MECOM: variants seen among roughly 807,000 people sequenced by gnomAD.
MECOM encodes the protein histone-lysine N-methyltransferase MECOM.
In MECOM, 13 loss-of-function variants were observed where a neutral mutation model predicts 116.3. The ratio of observed to expected loss-of-function variants is 0.11; its 90% CI spans 0.07 to 0.18. The LOEUF (loss-of-function observed/expected upper bound fraction) is 0.18. Ranked by LOEUF, MECOM falls within the 10% of genes least tolerant of loss-of-function variation. The pLI, the probability that MECOM is intolerant of heterozygous loss-of-function variation, is 1.00. For missense variants in MECOM, 1,299 were observed against 1,509.0 expected, an observed-to-expected ratio of 0.86 and a Z score of 2.31; for synonymous variants, 528 against 535.2, an observed-to-expected ratio of 0.99 and a Z score of 0.19.
At chr3:169,512,699 A>G (rs912473282) in intron 1 of MECOM, among the ~76,000 whole-genome samples, 1 of 152,192 alleles carries the variant, frequency 6.6e-6, no homozygotes. Flanking sequence ...GAATGAATAA[A>G]CTTGGTGAAA....
chr3:169,261,023 CT>C (rs1052091904), intron 2 of MECOM, among the ~76,000 whole-genome samples: 11 of 151,984 alleles, frequency 7.2e-5, no homozygotes, highest in Non-Finnish European at 1.5e-4. Context: ...TAATAGAGCA[CT>C]TTTTTTTCTA....
At chr3:169,459,035 T>G (rs891455909) in intron 1 of MECOM, among the ~76,000 whole-genome samples, 8 of 152,052 alleles carry the variant, frequency 5.3e-5, no homozygotes, top group Non-Finnish European at 1.0e-4. Flanking sequence ...GGAGTACATA[T>G]CCAAAATGGC....
At chr3:169,411,892 G>A (rs955840387) in intron 1 of MECOM, among the ~76,000 whole-genome samples, 3 of 152,170 alleles carry the variant, frequency 2.0e-5, no homozygotes, top group African/African-American at 4.8e-5. Flanking sequence ...TCAGGAGGCC[G>A]AGGCAGGAGA....
intron 1 of MECOM, among the ~76,000 whole-genome samples, chr3:169,419,209 G>A (rs1739277425): frequency 6.6e-6 from 1 of 152,066 alleles, no homozygotes; most frequent in Admixed American, 6.6e-5. Flanking sequence ...ACCTCTTCAA[G>A]GACAACTACA....
chr3:169,459,338 C>T, intron 1 of MECOM, among the ~76,000 whole-genome samples: 1 of 152,098 alleles, frequency 6.6e-6, no homozygotes, highest in East Asian at 1.9e-4. Flanking sequence ...TATTATTTAC[C>T]CACTCCATAC....
At chr3:169,160,732 C>T (rs139540532) in intron 2 of MECOM, among the ~76,000 whole-genome samples, 2,258 of 151,978 alleles carry the variant, frequency 0.015, 47 homozygotes, top group African/African-American at 0.051. Context: ...TTGATACCCT[C>T]ATTTAACCTG....
chr3:169,169,480 A>G (rs1484020494), intron 2 of MECOM, among the ~76,000 whole-genome samples: 3 of 152,148 alleles, frequency 2.0e-5, no homozygotes, highest in African/African-American at 7.2e-5. Flanking sequence ...GACATTCCAG[A>G]ATCCAGGTGG....
intron 2 of MECOM, among the ~76,000 whole-genome samples, chr3:169,253,427 C>G (rs1416641825): frequency 6.9e-6 from 1 of 145,556 alleles, no homozygotes; most frequent in African/African-American, 2.6e-5. Flanking sequence ...GACTTCTTTT[C>G]CTAAAAGTTG....
At chr3:169,087,037 C>A (rs1344351472) in intron 16 of MECOM, among the ~76,000 whole-genome samples, 4 of 152,208 alleles carry the variant, frequency 2.6e-5, no homozygotes, top group Admixed American at 2.0e-4. Flanking sequence ...TCAAACTAAT[C>A]TATATAACAT....
intron 2 of MECOM, among the ~76,000 whole-genome samples, chr3:169,191,748 A>AAG (rs1747681465): frequency 7.8e-6 from 1 of 127,754 alleles, no homozygotes; most frequent in Admixed American, 8.5e-5. Context: ...AAGAGAAAGA[A>AAG]AGAAAGAAAG....
intron 1 of MECOM, among the ~76,000 whole-genome samples, chr3:169,496,048 A>G (rs896806771): frequency 6.6e-6 from 1 of 152,202 alleles, no homozygotes. Context: ...GGACATGCAA[A>G]GCTTTTCTCT....
At chr3:169,344,023 A>G (rs1724971014) in intron 2 of MECOM, among the ~76,000 whole-genome samples, 1 of 152,212 alleles carries the variant, frequency 6.6e-6, no homozygotes, top group Non-Finnish European at 1.5e-5. Context: ...ATTGTTGGAA[A>G]TAATATAAAA....
At chr3:169,233,529 A>G (rs1160910227) in intron 2 of MECOM, among the ~76,000 whole-genome samples, 1 of 152,148 alleles carries the variant, frequency 6.6e-6, no homozygotes, top group East Asian at 1.9e-4. Context: ...TTCTCATATA[A>G]ATTCAACTCC....
chr3:169,476,410 AC>A (rs1195622971), intron 1 of MECOM, among the ~76,000 whole-genome samples: 1 of 152,190 alleles, frequency 6.6e-6, no homozygotes, highest in East Asian at 1.9e-4. Flanking sequence ...TTAGCCCATT[AC>A]ATTTTATTTG....
chr3:169,152,329 T>G (rs1004866659), intron 2 of MECOM, among the ~76,000 whole-genome samples: 11 of 152,278 alleles, frequency 7.2e-5, no homozygotes, highest in African/African-American at 2.6e-4. Context: ...AAAATTTCCC[T>G]TGGTCTGGAA....
At chr3:169,226,531 G>C (rs939570035) in intron 2 of MECOM, among the ~76,000 whole-genome samples, 2 of 152,066 alleles carry the variant, frequency 1.3e-5, no homozygotes, top group South Asian at 2.1e-4. Context: ...ATTTACTATG[G>C]GCGAAGGAAG....
intron 2 of MECOM, among the ~76,000 whole-genome samples, chr3:169,279,679 T>G (rs977294688): frequency 2.6e-5 from 4 of 152,264 alleles, no homozygotes; most frequent in African/African-American, 4.8e-5. Flanking sequence ...AATCTATTGC[T>G]AATTGTTTAG....
At chr3:169,616,010 A>G (rs949301065) in intron 1 of MECOM, among the ~76,000 whole-genome samples, 6 of 152,190 alleles carry the variant, frequency 3.9e-5, no homozygotes, top group Non-Finnish European at 7.3e-5. Context: ...CAAATCTTCG[A>G]GAATGGCCCA....
At chr3:169,646,302 C>T (rs1367129284) in intron 1 of MECOM, among the ~76,000 whole-genome samples, 1 of 110,458 alleles carries the variant, frequency 9.1e-6, no homozygotes, top group East Asian at 2.5e-4. Context: ...ACACCGGGGC[C>T]TGTCATGGGG....
Sources: gnomAD v4.1 joint callset for allele counts (sites outside exome capture counted in the v4.1 genomes callset) on GRCh38, gnomAD v4.1.1 for gene constraint, MANE v1.5 for transcripts, NCBI Gene and HGNC (gene_info 2026-07-23, HGNC 2026-07-21) for gene names.